Variants in CDKN2B-AS1 observed in about 807,000 individuals in gnomAD.
CDKN2B-AS1 encodes the protein CDKN2B antisense RNA 1 (non-protein coding).
chr9:22,021,472 G>A (rs1351195682), intron 1 of CDKN2B-AS1, among the ~76,000 whole-genome samples: 3 of 152,142 alleles, frequency 2.0e-5, no homozygotes, highest in Admixed American at 6.5e-5. Context: ...AGATTCAATG[G>A]TAGTTTCATA....
chr9:22,107,913 G>C (rs1825702671), intron 4 of CDKN2B-AS1, among the ~76,000 whole-genome samples: 1 of 152,174 alleles, frequency 6.6e-6, no homozygotes, highest in Non-Finnish European at 1.5e-5. Flanking sequence ...CTCAGATAAA[G>C]AACTTCAATG....
chr9:22,127,618 T>C (rs1182499069), exon 5 of CDKN2B-AS1, among the ~76,000 whole-genome samples: 3 of 152,132 alleles, frequency 2.0e-5, no homozygotes, highest in South Asian at 2.1e-4. Flanking sequence ...GTGTTGCACC[T>C]GTGTCCACTG....
intron 1 of CDKN2B-AS1, among the ~76,000 whole-genome samples, chr9:22,016,748 T>G (rs994284350): frequency 3.0e-4 from 45 of 152,320 alleles, no homozygotes; most frequent in Non-Finnish European, 5.9e-4. Context: ...TAGCCATATG[T>G]AGAAAGCTGA....
intron 4 of CDKN2B-AS1, among the ~76,000 whole-genome samples, chr9:22,086,311 A>G (rs868063748): frequency 3.5e-4 from 54 of 152,208 alleles, no homozygotes; most frequent in Admixed American, 3.5e-3. Context: ...GTAGAGAATA[A>G]AGCCAAGAAT....
chr9:22,056,072 T>C (rs1374053717), intron 3 of CDKN2B-AS1, among the ~76,000 whole-genome samples: 1 of 145,254 alleles, frequency 6.9e-6, no homozygotes, highest in Non-Finnish European at 1.5e-5. Context: ...TGAGACGGAG[T>C]CTTGCAGTGT....
At chr9:22,061,318 A>AT (rs1229808332) in intron 4 of CDKN2B-AS1, among the ~76,000 whole-genome samples, 3 of 152,120 alleles carry the variant, frequency 2.0e-5, no homozygotes, top group Non-Finnish European at 2.9e-5. Context: ...ATCTGATGAC[A>AT]TTTTTTCCTT....
At chr9:22,061,993 C>T (rs1823841619) in intron 4 of CDKN2B-AS1, 2 of 152,104 alleles carry the variant, frequency 1.3e-5, no homozygotes, top group Non-Finnish European at 2.9e-5. Flanking sequence ...CTACGAAGAA[C>T]TCATAAATTA....
intron 1 of CDKN2B-AS1, among the ~76,000 whole-genome samples, chr9:22,013,455 T>A (rs1821601973): frequency 6.6e-6 from 1 of 152,176 alleles, no homozygotes; most frequent in Non-Finnish European, 1.5e-5. Context: ...CTCTCTCTTT[T>A]TTTTCTTATA....
At chr9:22,115,402 C>G (rs73441213) in intron 4 of CDKN2B-AS1, among the ~76,000 whole-genome samples, 1,731 of 152,274 alleles carry the variant, frequency 0.011, 36 homozygotes, top group African/African-American at 0.04. Context: ...GATATATGAT[C>G]ACTCCAGGGT....
intron 4 of CDKN2B-AS1, among the ~76,000 whole-genome samples, chr9:22,113,325 C>A (rs13301964): frequency 6.6e-6 from 1 of 152,198 alleles, no homozygotes; most frequent in East Asian, 1.9e-4. Context: ...AAATCCTTCT[C>A]ATTCTTTGAA....
chr9:21,996,993 A>G lies in CDKN2B-AS1; in HGVS notation n.29+1832A>G, dbSNP rs1190535171. ...AACCCATTGTGTGTGTGTGCGTGCC[A>G]GTACCACACATATGTATATGTATAT... is the stretch of plus-strand genomic sequence containing the variant. On this transcript the variant is annotated intron_variant and non_coding_transcript_variant, in intron 1 of 4. Transcript: ENST00000650946. The surrounding 1 kb of genome is among the most constrained non-coding windows in gnomAD (Gnocchi z 5.4). Among the ~76,000 whole-genome samples, 1 of 152,206 alleles carries G rather than the reference A, an allele frequency of 6.6e-6. No individual in the cohort carries two copies. Among genetic ancestry groups the G allele is most frequent in the African/African-American group, 2.4e-5 (1 of 41,454 alleles).
intron 4 of CDKN2B-AS1, among the ~76,000 whole-genome samples, chr9:22,122,509 C>A (rs139502480): frequency 5.3e-5 from 8 of 152,196 alleles, no homozygotes; most frequent in African/African-American, 1.9e-4. Flanking sequence ...ATGTTTTCTT[C>A]TAGTAATTCT....
rs528471985 is a variant in CDKN2B-AS1, at chr9:22,039,999, T to G, written n.30-6752T>G. Reference sequence around the variant, plus strand: ...GAATGCTCTCTGAAGACTGGAGTTATGCTGCTAAAAGTCACAAAATTAACA... The same window carrying G: ...GAATGCTCTCTGAAGACTGGAGTTAGGCTGCTAAAAGTCACAAAATTAACA... On this transcript the variant is annotated intron_variant and non_coding_transcript_variant, in intron 1 of 4. Transcript: ENST00000650946. The surrounding 1 kb of genome is among the most constrained non-coding windows in gnomAD (Gnocchi z 4.4). Among the ~76,000 whole-genome samples, 1 of 152,196 alleles carries G rather than the reference T, an allele frequency of 6.6e-6. No homozygotes were observed. Among genetic ancestry groups the G allele is most frequent in the South Asian group, 2.1e-4 (1 of 4,818 alleles).
intron 4 of CDKN2B-AS1, among the ~76,000 whole-genome samples, chr9:22,098,240 G>T (rs1445364430): frequency 5.3e-5 from 8 of 151,050 alleles, no homozygotes; most frequent in Non-Finnish European, 1.0e-4. Flanking sequence ...ATATGTGTGT[G>T]TATACATTTA....
At chr9:22,116,966 CA>C (rs72654257) in intron 4 of CDKN2B-AS1, among the ~76,000 whole-genome samples, 5 of 152,160 alleles carry the variant, frequency 3.3e-5, no homozygotes, top group Non-Finnish European at 7.4e-5. Context: ...AACTTGACCT[CA>C]CATAAATATG....
At chr9:22,013,058 C>T (rs527732201) in intron 1 of CDKN2B-AS1, among the ~76,000 whole-genome samples, 11 of 152,310 alleles carry the variant, frequency 7.2e-5, no homozygotes, top group African/African-American at 2.6e-4. Context: ...TGCACATGGC[C>T]ATCCTACTGC....
intron 4 of CDKN2B-AS1, among the ~76,000 whole-genome samples, chr9:22,110,746 G>A (rs1294706426): frequency 5.3e-5 from 8 of 152,026 alleles, no homozygotes; most frequent in Non-Finnish European, 8.8e-5. Flanking sequence ...CATTTTACCT[G>A]TCTTTAGATG....
At chr9:22,096,041 C>T (rs980601610) in intron 4 of CDKN2B-AS1, among the ~76,000 whole-genome samples, 1 of 152,062 alleles carries the variant, frequency 6.6e-6, no homozygotes, top group African/African-American at 2.4e-5. Flanking sequence ...TGGGTCAAAT[C>T]TAAGCTGAGT....
At chr9:22,082,946 G>A (rs1378199274) in intron 4 of CDKN2B-AS1, among the ~76,000 whole-genome samples, 1 of 152,110 alleles carries the variant, frequency 6.6e-6, no homozygotes, top group Non-Finnish European at 1.5e-5. Flanking sequence ...GCTTGAGAAA[G>A]CCAATTGGAA....
Sources: gnomAD v4.1 joint callset for allele counts (sites outside exome capture counted in the v4.1 genomes callset) on GRCh38, gnomAD v4.1.1 for gene constraint, Gnocchi (gnomAD v3.1) non-coding constraint, MANE v1.5 for transcripts, NCBI Gene and HGNC (gene_info 2026-07-23, HGNC 2026-07-21) for gene names.